MANBA: variants seen among roughly 807,000 people sequenced by gnomAD.
The protein encoded by MANBA is mannosidase beta.
In MANBA, 83 loss-of-function variants were observed where a neutral mutation model predicts 111.1. The ratio of observed to expected loss-of-function variants is 0.75; its 90% CI spans 0.63 to 0.90. MANBA has a LOEUF of 0.90. MANBA is among the 40% of genes least tolerant of loss of function. The pLI, the probability that MANBA is intolerant of heterozygous loss-of-function variation, is 0.00. For missense variants in MANBA, 1,036 were observed against 1,069.0 expected (o/e 0.97, Z 0.43); for synonymous variants, 370 against 378.7 (o/e 0.98, Z 0.27).
chr4:102,727,444 T>C (rs772087413), intron 1 of MANBA: 193 of 1,351,482 alleles, frequency 1.4e-4, no homozygotes, highest in Non-Finnish European at 1.8e-4. Context: ...CAATTGCACA[T>C]GGGTCTCAGA....
At chr4:102,668,638 G>A in intron 10 of MANBA, 1 of 289,692 alleles carries the variant, frequency 3.5e-6, no homozygotes, top group South Asian at 3.7e-5. Context: ...TTGGGGAGGG[G>A]GTGCAATATA....
At chr4:102,698,436 C>G (rs1242800859) in intron 5 of MANBA, among the ~76,000 whole-genome samples, 4 of 149,208 alleles carry the variant, frequency 2.7e-5, no homozygotes, top group African/African-American at 1.0e-4. Context: ...TTGCCCATGC[C>G]TATGTCCTGA....
chr4:102,703,721 G>A (rs768649563), intron 5 of MANBA, among the ~76,000 whole-genome samples: 1 of 151,946 alleles, frequency 6.6e-6, no homozygotes, highest in Admixed American at 6.5e-5. Flanking sequence ...ACCTTACTTC[G>A]TTCCCCCTAT....
Position 102,690,625 on chromosome 4 carries a change from T to C in MANBA, c.820A>G (p.Ile274Val), listed in dbSNP as rs769167675. ...YSIELQPGKR[I>V]VELFVNISKN... is the part of the protein sequence containing the mutation. ...CTAATGTTCACAAATAGCTCAACAA[T>C]CCTTTTCCCAGGTTGAAGTTCAATG... is the stretch of plus-strand genomic sequence containing the variant. The change falls in exon 6 of 17, where the codon ATT becomes GTT. Residue 274 changes from isoleucine to valine, a missense_variant. Physicochemically the swap from Ile to Val is conservative, Grantham distance 29. Transcript: ENST00000647097. 1.2e-5 allele frequency: 20 copies of C among 1,612,334 alleles called. No homozygotes were observed. In the Admixed American group the frequency reaches 3.2e-4, roughly 26 times the overall value.
chr4:102,729,707 G>C, intron 1 of MANBA: 2 of 1,548,656 alleles, frequency 1.3e-6, no homozygotes, highest in Non-Finnish European at 1.8e-6. Context: ...GCTTCTCCTG[G>C]CCCAGAGTCT....
chr4:102,722,219 A>T (rs1005524005), intron 4 of MANBA, among the ~76,000 whole-genome samples: 9 of 152,116 alleles, frequency 5.9e-5, no homozygotes, highest in Admixed American at 2.6e-4. Context: ...AAATATACTT[A>T]ACACTACTAA....
At chr4:102,733,660 G>C (rs150043416) in intron 1 of MANBA, among the ~76,000 whole-genome samples, 19 of 152,100 alleles carry the variant, frequency 1.2e-4, no homozygotes, top group Middle Eastern at 3.2e-3. Context: ...CACACTGGCC[G>C]GTTCTCTCTG....
intron 7 of MANBA, among the ~76,000 whole-genome samples, chr4:102,688,721 T>C (rs1732337572): frequency 6.6e-6 from 1 of 152,184 alleles, no homozygotes; most frequent in South Asian, 2.1e-4. Context: ...AAGTAGCCTA[T>C]AGCTAATAAA....
At chr4:102,675,823 T>C (rs59808454) in intron 7 of MANBA, among the ~76,000 whole-genome samples, 6,682 of 152,154 alleles carry the variant, frequency 0.044, 463 homozygotes, top group African/African-American at 0.15. Flanking sequence ...ATACAAAAAT[T>C]AGCTGGGTGT....
At chr4:102,727,632 T>G (rs1722861344) in intron 1 of MANBA, 1 of 1,534,014 alleles carries the variant, frequency 6.5e-7, no homozygotes. Flanking sequence ...TGTTGTTGTA[T>G]TCCCATTGTG....
chr4:102,724,700 A>G (rs941943827), intron 2 of MANBA, among the ~76,000 whole-genome samples: 1 of 152,236 alleles, frequency 6.6e-6, no homozygotes, highest in Non-Finnish European at 1.5e-5. Flanking sequence ...ACAGGAAACT[A>G]TAACAGTGCC....
At chr4:102,643,872 C>T (rs1466310252) in intron 13 of MANBA, among the ~76,000 whole-genome samples, 1 of 152,094 alleles carries the variant, frequency 6.6e-6, no homozygotes, top group African/African-American at 2.4e-5. Context: ...CGTCTTTTGC[C>T]ATACAAAAGG....
intron 11 of MANBA, among the ~76,000 whole-genome samples, chr4:102,661,494 G>A (rs531609059): frequency 9.9e-5 from 15 of 152,270 alleles, no homozygotes; most frequent in African/African-American, 3.6e-4. Flanking sequence ...AAAGTATGAT[G>A]AAACTATAGG....
In MANBA at chr4:102,682,279, C is replaced by A. The variant is rs149036749; in HGVS notation, c.960+7295G>T. On this transcript the variant is annotated intron_variant, in intron 7 of 16. Transcript: ENST00000647097. The stretch of plus-strand genomic sequence containing the variant: ...ATTAACATTCAAGAGTAACCAAACA[C>A]ATAGTTAAAACTTAGACCAACATAT... Among the ~76,000 whole-genome samples, 126 of 151,910 alleles carry A rather than the reference C, an allele frequency of 8.3e-4. 1 individual carries two copies. The highest frequency in any genetic ancestry group is 2.9e-3 in the African/African-American group (120 of 41,408).
chr4:102,696,685 C>T (rs974478210), intron 5 of MANBA, among the ~76,000 whole-genome samples: 1 of 152,118 alleles, frequency 6.6e-6, no homozygotes, highest in Non-Finnish European at 1.5e-5. Context: ...GGGGGAAAAC[C>T]TATTCAAAGA....
intron 1 of MANBA, among the ~76,000 whole-genome samples, chr4:102,745,063 G>C (rs1365849079): frequency 1.3e-5 from 2 of 152,086 alleles, no homozygotes; most frequent in Non-Finnish European, 2.9e-5. Flanking sequence ...AGTCAGACCT[G>C]AGCTAAAACT....
intron 5 of MANBA, among the ~76,000 whole-genome samples, chr4:102,691,973 A>C (rs183332614): frequency 1.3e-5 from 2 of 152,276 alleles, no homozygotes; most frequent in African/African-American, 4.8e-5. Context: ...GGCAATAACA[A>C]AATTGATGAG....
At position 102,760,706 on chromosome 4, in the gene MANBA, C is replaced by A; in HGVS notation, c.177+12G>T. 6.6e-7 allele frequency: 1 copy of A among 1,520,776 alleles called. No individual in the cohort carries two copies. Among genetic ancestry groups the A allele is most frequent in the Non-Finnish European group, 8.9e-7 (1 of 1,127,768 alleles). The allele number at this position is 1,520,776 out of a possible 1,614,324, so 94.2% of individuals were successfully genotyped here. ...GGGCGCAGGCTCGCCGCGGGTCGGC[C>A]GCACGCCATACCTGGATCAGGCCCT... On this transcript the variant is annotated intron_variant, in intron 1 of 16. Transcript: ENST00000647097.
At chr4:102,722,780 GA>G in intron 4 of MANBA, 90 bp downstream of exon 4, 1 of 1,336,944 alleles carries the variant, frequency 7.5e-7, no homozygotes, top group Non-Finnish European at 1.1e-6. Context: ...CCTAACTTCT[GA>G]AATGCCATGG....
Sources: gnomAD v4.1 joint callset for allele counts (sites outside exome capture counted in the v4.1 genomes callset) on GRCh38, gnomAD v4.1.1 for gene constraint, MANE v1.5 for transcripts, NCBI Gene and HGNC (gene_info 2026-07-23, HGNC 2026-07-21) for gene names.